The following SCN3A variants were observed in gnomAD, a reference collection of about 807,000 sequenced individuals.
The protein encoded by SCN3A is sodium voltage-gated channel alpha subunit 3.
A neutral mutation model predicts 187.6 loss-of-function variants in SCN3A; 60 were observed. That is an observed-to-expected ratio of 0.32 (90% CI 0.26 to 0.40). The LOEUF is 0.40. Ranked by LOEUF, SCN3A falls within the 10% of genes least tolerant of loss-of-function variation. The pLI is 1.00. For missense variants in SCN3A, 1,601 were observed against 2,428.2 expected (o/e 0.66, Z 7.16); for synonymous variants, 788 against 829.2 (o/e 0.95, Z 0.85).
chr2:165,162,471 G>A, intron 8 of SCN3A, 85 bp downstream of exon 8: 1 of 1,595,110 alleles, frequency 6.3e-7, no homozygotes, highest in Non-Finnish European at 8.6e-7. Flanking sequence ...ATTTACAAAG[G>A]TGGCTGTACA....
chr2:165,100,682 G>C (rs543848587), intron 21 of SCN3A, among the ~76,000 whole-genome samples: 1 of 151,930 alleles, frequency 6.6e-6, no homozygotes, highest in Non-Finnish European at 1.5e-5. Context: ...TTTATACCAT[G>C]GACCCCTTTT....
At chr2:165,091,794 C>CT (rs1226443035) in intron 27 of SCN3A, 3 of 268,406 alleles carry the variant, frequency 1.1e-5, no homozygotes, top group Non-Finnish European at 2.1e-5. Flanking sequence ...CCCCATCTCT[C>CT]TTTTTCTCCT....
chr2:165,149,422 A>C (rs968806054), intron 11 of SCN3A, among the ~76,000 whole-genome samples: 1 of 151,930 alleles, frequency 6.6e-6, no homozygotes, highest in Non-Finnish European at 1.5e-5. Context: ...TGACCCACCC[A>C]CCTCAGCCTC....
chr2:165,171,340 TAGA>T (rs1459271836), intron 3 of SCN3A, among the ~76,000 whole-genome samples: 1 of 152,058 alleles, frequency 6.6e-6, no homozygotes, highest in Non-Finnish European at 1.5e-5. Context: ...CATAGACTCC[TAGA>T]AGAAGGTGGC....
intron 18 of SCN3A, among the ~76,000 whole-genome samples, chr2:165,124,746 G>C (rs1199667888): frequency 6.6e-6 from 1 of 151,956 alleles, no homozygotes; most frequent in Admixed American, 6.6e-5. Context: ...CATTTTCCCA[G>C]GTTCTTTAGT....
chr2:165,161,703 A>G (rs1689408367), intron 9 of SCN3A, among the ~76,000 whole-genome samples: 1 of 152,240 alleles, frequency 6.6e-6, no homozygotes, highest in South Asian at 2.1e-4. Context: ...GGGTTAGAGA[A>G]TAACAGCATG....
chr2:165,179,491 T>C (rs1690699140), intron 2 of SCN3A: 1 of 152,236 alleles, frequency 6.6e-6, no homozygotes, highest in African/African-American at 2.4e-5. Flanking sequence ...TCTGAGATGA[T>C]ATGGAACAAG....
At chr2:165,091,745 G>A in intron 27 of SCN3A, 3 of 268,898 alleles carry the variant, frequency 1.1e-5, no homozygotes, top group Non-Finnish European at 2.1e-5. Flanking sequence ...TTTGACATGA[G>A]GTTAAAGTTG....
intron 3 of SCN3A, among the ~76,000 whole-genome samples, chr2:165,175,433 C>T (rs1184482093): frequency 1.3e-5 from 2 of 152,124 alleles, no homozygotes; most frequent in Non-Finnish European, 2.9e-5. Flanking sequence ...TAGGAAAGCA[C>T]AGTCATAACC....
chr2:165,172,638 C>T (rs1045696009), intron 3 of SCN3A, among the ~76,000 whole-genome samples: 2 of 152,080 alleles, frequency 1.3e-5, no homozygotes, highest in Admixed American at 6.6e-5. Flanking sequence ...TTTCTGCTTG[C>T]GACATTAGGA....
At chr2:165,164,550 A>G (rs781617658) in intron 5 of SCN3A, 30 bp from the exon 6 acceptor site, 1 of 1,612,448 alleles carries the variant, frequency 6.2e-7, no homozygotes, top group East Asian at 2.2e-5. Flanking sequence ...CAAAATTAAC[A>G]ATTTTGCTTG....
chr2:165,184,068 A>G (rs1320593273), intron 2 of SCN3A, among the ~76,000 whole-genome samples: 1 of 152,128 alleles, frequency 6.6e-6, no homozygotes, highest in Non-Finnish European at 1.5e-5. Context: ...TTTCCCAGTG[A>G]AATTTTCACT....
chr2:165,196,818 TA>T (rs796232246), intron 1 of SCN3A, among the ~76,000 whole-genome samples: 48 of 152,282 alleles, frequency 3.2e-4, no homozygotes, highest in African/African-American at 1.1e-3. Context: ...TTTAAAAAAT[TA>T]AAAATCAAAG....
intron 25 of SCN3A, 115 bp from the exon 26 acceptor site, chr2:165,094,593 A>G (rs1685273581): frequency 1.4e-6 from 1 of 716,296 alleles, no homozygotes; most frequent in Non-Finnish European, 2.5e-6. Flanking sequence ...ATCCTCCTAC[A>G]TATACATTTA....
At chr2:165,162,394 A>G in intron 8 of SCN3A, 23 bp from the exon 9 acceptor site, 1 of 1,607,660 alleles carries the variant, frequency 6.2e-7, no homozygotes, top group Non-Finnish European at 8.5e-7. Flanking sequence ...AAAAAAACCC[A>G]TTTTATTTCA....
chr2:165,156,437 C>T (rs1689039499), intron 9 of SCN3A, among the ~76,000 whole-genome samples: 1 of 131,918 alleles, frequency 7.6e-6, no homozygotes, highest in Admixed American at 8.9e-5. Flanking sequence ...GGCGTGAACC[C>T]GGGAGGTGGA....
intron 9 of SCN3A, among the ~76,000 whole-genome samples, chr2:165,158,083 GT>G (rs1170156109): frequency 2.6e-5 from 4 of 152,154 alleles, no homozygotes; most frequent in African/African-American, 7.2e-5. Context: ...TGCTAGCTGT[GT>G]TTGTTGCTAC....
At chr2:165,117,788 T>A (rs190933885) in intron 18 of SCN3A, among the ~76,000 whole-genome samples, 12 of 152,210 alleles carry the variant, frequency 7.9e-5, no homozygotes, top group African/African-American at 2.6e-4. Flanking sequence ...AAAAATAATA[T>A]GTTAATAATA....
Position 165,097,579 on chromosome 2 carries a change from T to C in SCN3A, c.3967-55A>G, listed in dbSNP as rs1685418828. ...TACAAACCTTTTGAATGGAAACCAT[T>C]CCTTCAATGTATTTGTTTAGTATTA... is the stretch of plus-strand genomic sequence containing the variant. On this transcript the variant is annotated intron_variant, in intron 22 of 27. Transcript: ENST00000283254. The C allele has an allele frequency of 7.5e-6, 12 of 1,593,102 alleles. No individual in the cohort carries two copies. The South Asian group carries it at 1.2e-4, about 16-fold the overall frequency.
Sources: allele counts gnomAD v4.1 joint callset (sites outside exome capture counted in the v4.1 genomes callset), GRCh38; gene constraint gnomAD v4.1.1; transcripts MANE v1.5; gene names NCBI Gene and HGNC (gene_info 2026-07-23, HGNC 2026-07-21).